The following ARSG variants were observed in gnomAD, a reference collection of about 807,000 sequenced individuals.
ARSG encodes the protein ASG.
ARSG carries 37 observed loss-of-function variants against 50.5 expected under a neutral mutation model. That is an observed-to-expected ratio of 0.73 (90% confidence interval 0.56 to 0.96). The LOEUF is 0.96. Among genes scored for constraint, ARSG ranks in the 50% least tolerant of loss-of-function variants. ARSG has a pLI of 0.00. For missense variants in ARSG, 629 were observed against 675.3 expected (o/e 0.93, Z 0.76); for synonymous variants, 225 against 254.6 (o/e 0.88, Z 1.11).
At chr17:68,333,048 C>T (rs551735024) in intron 2 of ARSG, among the ~76,000 whole-genome samples, 8 of 152,330 alleles carry the variant, frequency 5.3e-5, no homozygotes, top group East Asian at 1.9e-4. Flanking sequence ...CAGTGGCTCA[C>T]GCCTGTAATC....
downstream of ARSG, chr17:68,422,650 A>G (rs1004548715): frequency 6.8e-6 from 1 of 146,426 alleles, no homozygotes; most frequent in African/African-American, 2.5e-5. Context: ...AATCACTTGA[A>G]CCTAGGAGGT....
chr17:68,419,965 C>A (rs1367662992), intron 11 of ARSG, among the ~76,000 whole-genome samples: 5 of 151,964 alleles, frequency 3.3e-5, no homozygotes, highest in African/African-American at 1.2e-4. Flanking sequence ...CCTCAAAAAA[C>A]AAAAACAGAA....
the ARSG span, among the ~76,000 whole-genome samples, chr17:68,438,642 C>T: frequency 6.6e-6 from 1 of 152,184 alleles, no homozygotes; most frequent in African/African-American, 2.4e-5. Flanking sequence ...ACTCTGTTGC[C>T]CAAGCTGCAG....
chr17:68,348,385 C>G (rs1014982955), intron 4 of ARSG, among the ~76,000 whole-genome samples: 2 of 152,122 alleles, frequency 1.3e-5, no homozygotes, highest in African/African-American at 2.4e-5. Context: ...GAAGTGGTAC[C>G]ATGATGGATC....
At chr17:68,312,939 A>G (rs1397791196) in intron 2 of ARSG, among the ~76,000 whole-genome samples, 16 of 152,148 alleles carry the variant, frequency 1.1e-4, no homozygotes, top group African/African-American at 3.9e-4. Context: ...TGCTGGAACA[A>G]ATTACTCCAA....
At chr17:68,434,655 T>C in the ARSG span, 1 of 1,611,780 alleles carries the variant, frequency 6.2e-7, no homozygotes, top group South Asian at 1.1e-5. Flanking sequence ...GGACATTTCA[T>C]AACCATTAGT....
intron 2 of ARSG, among the ~76,000 whole-genome samples, chr17:68,318,608 G>T (rs1013149488): frequency 2.0e-5 from 3 of 152,198 alleles, no homozygotes; most frequent in Non-Finnish European, 4.4e-5. Flanking sequence ...TGTCTGCCAG[G>T]CTGACTCAGA....
rs74652676 is a variant in ARSG at position 68,310,885 on chromosome 17, C to G, written c.218+3174C>G. Among the ~76,000 whole-genome samples the G allele has an allele frequency of 2.9e-3, 446 of 152,286 alleles. 5 individuals carry two copies. Among genetic ancestry groups the G allele is most frequent in the Middle Eastern group, 0.027 (8 of 294 alleles). On this transcript the variant is annotated intron_variant, in intron 2 of 11. Coordinates refer to ENST00000621439, the MANE Select transcript of ARSG (RefSeq NM_001267727.2). ...ATTTTTTAGCCCTAAGGATAAAACCCATACCCCATACCACAGCTAACAAAC... is the reference window on the plus strand; with the variant it reads ...ATTTTTTAGCCCTAAGGATAAAACCGATACCCCATACCACAGCTAACAAAC...
Position 68,296,147 on chromosome 17 carries a change from C to T in ARSG, c.-552+4579C>T, listed in dbSNP as rs528811133. 2.6e-5 allele frequency among the ~76,000 whole-genome samples: 4 copies of T among 152,286 alleles called. No individual in the cohort carries two copies. In the South Asian group the frequency reaches 8.3e-4, roughly 32 times the overall value. On this transcript the variant is annotated intron_variant, in intron 1 of 11. Coordinates refer to ENST00000621439, the MANE Select transcript of ARSG (RefSeq NM_001267727.2). ...TACATTTAGGAGTGAATGCACGTCA[C>T]ATTAAACTGTGTGACACAGTTGTGG...
At chr17:68,270,069 C>G (rs2075286610) in intron 1 of ARSG, among the ~76,000 whole-genome samples, 1 of 152,162 alleles carries the variant, frequency 6.6e-6, no homozygotes, top group Admixed American at 6.5e-5. Flanking sequence ...CTATGTCCCT[C>G]CTACAAGGAA....
intron 1 of ARSG, among the ~76,000 whole-genome samples, chr17:68,266,443 T>TG (rs2075166022): frequency 1.1e-5 from 1 of 94,212 alleles, no homozygotes; most frequent in Non-Finnish European, 2.2e-5. Flanking sequence ...TATACTTTTT[T>TG]TTGTATAAAA....
upstream of ARSG, among the ~76,000 whole-genome samples, chr17:68,287,976 T>C (rs1555754755): frequency 6.9e-6 from 1 of 145,416 alleles, no homozygotes; most frequent in Admixed American, 6.9e-5. Flanking sequence ...TCTCTCCCCC[T>C]CCCTCCCTCC....
chr17:68,432,174 C>T, the ARSG span, among the ~76,000 whole-genome samples: 4 of 152,046 alleles, frequency 2.6e-5, no homozygotes, highest in African/African-American at 4.8e-5. Context: ...GATGAAGGAG[C>T]GAGAAGGGAG....
intron 4 of ARSG, among the ~76,000 whole-genome samples, chr17:68,348,279 A>C (rs1176662544): frequency 6.6e-6 from 1 of 152,126 alleles, no homozygotes; most frequent in Non-Finnish European, 1.5e-5. Flanking sequence ...CAGTTTTCTC[A>C]CTTGACAGTT....
intron 8 of ARSG, among the ~76,000 whole-genome samples, chr17:68,376,901 C>T (rs1349860666): frequency 6.6e-6 from 1 of 151,764 alleles, no homozygotes; most frequent in East Asian, 1.9e-4. Flanking sequence ...GCTCTGTCGC[C>T]CAGGCTGGAG....
intron 1 of ARSG, among the ~76,000 whole-genome samples, chr17:68,285,392 A>T (rs1185965155): frequency 6.6e-6 from 1 of 152,034 alleles, no homozygotes; most frequent in Non-Finnish European, 1.5e-5. Flanking sequence ...GGGCTCGTGC[A>T]GGGCACGGTG....
chr17:68,408,572 C>G (rs1241431997), intron 11 of ARSG, among the ~76,000 whole-genome samples: 4 of 152,030 alleles, frequency 2.6e-5, no homozygotes, highest in African/African-American at 7.3e-5. Flanking sequence ...GTGAATAATG[C>G]TGCAATAAAC....
intron 1 of ARSG, chr17:68,273,843 G>A: frequency 6.8e-7 from 1 of 1,471,496 alleles, no homozygotes; most frequent in Non-Finnish European, 9.3e-7. Flanking sequence ...AAGAAATATA[G>A]TTTGGCTTTA....
At chr17:68,268,880 T>C (rs2075235733) in intron 1 of ARSG, 1 of 930,104 alleles carries the variant, frequency 1.1e-6, no homozygotes, top group East Asian at 3.0e-5. Flanking sequence ...GGTTGTTTTT[T>C]GTTTTGGCTT....
Sources: allele counts gnomAD v4.1 joint callset (sites outside exome capture counted in the v4.1 genomes callset), GRCh38; gene constraint gnomAD v4.1.1; transcripts MANE v1.5; gene names NCBI Gene and HGNC (gene_info 2026-07-23, HGNC 2026-07-21).